Variants in TPD52L1 observed in about 807,000 individuals in gnomAD.
The protein encoded by TPD52L1 is TPD52 like 1, also known as tumor protein D53.
TPD52L1 carries 18 observed loss-of-function variants against 28.7 expected under a neutral mutation model. The observed-to-expected ratio is 0.63, with a 90% CI of 0.43 to 0.93. The LOEUF (loss-of-function observed/expected upper bound fraction) is 0.93. Among genes scored for constraint, TPD52L1 ranks in the 40% least tolerant of loss-of-function variants. The probability of loss-of-function intolerance (pLI) is 0.00; values close to 1 mark genes in which losing one functional copy is unlikely to be tolerated. For missense variants in TPD52L1, 203 were observed against 254.8 expected (o/e 0.80, Z 1.39); for synonymous variants, 75 against 88.8 (o/e 0.84, Z 0.88).
chr6:125,248,733 T>C (rs1334706042), intron 4 of TPD52L1, among the ~76,000 whole-genome samples: 3 of 152,152 alleles, frequency 2.0e-5, no homozygotes, highest in Non-Finnish European at 4.4e-5. Context: ...TTTAGTGGAA[T>C]GCACTCCCAT....
intron 1 of TPD52L1, among the ~76,000 whole-genome samples, chr6:125,163,895 T>A (rs1790696526): frequency 7.1e-6 from 1 of 141,324 alleles, no homozygotes; most frequent in Non-Finnish European, 1.5e-5. Flanking sequence ...CCAGCCTGGG[T>A]GACAGAGTGA....
At chr6:125,207,635 C>T (rs1357752580) in intron 1 of TPD52L1, among the ~76,000 whole-genome samples, 1 of 152,346 alleles carries the variant, frequency 6.6e-6, no homozygotes, top group East Asian at 1.9e-4. Context: ...GATTCAGATT[C>T]CCTGAGCTCA....
intron 1 of TPD52L1, among the ~76,000 whole-genome samples, chr6:125,207,138 C>A (rs1436197918): frequency 6.6e-6 from 1 of 152,034 alleles, no homozygotes; most frequent in Non-Finnish European, 1.5e-5. Context: ...CATAAGCCAC[C>A]CTGGACCTTT....
intron 3 of TPD52L1, among the ~76,000 whole-genome samples, chr6:125,244,936 C>G (rs187360553): frequency 9.3e-4 from 141 of 152,244 alleles, no homozygotes; most frequent in African/African-American, 3.3e-3. Flanking sequence ...AGTGCTCGCC[C>G]CCTTCCCTTA....
chr6:125,195,140 T>C (rs1582903200), intron 1 of TPD52L1, among the ~76,000 whole-genome samples: 1 of 152,304 alleles, frequency 6.6e-6, no homozygotes, highest in South Asian at 2.1e-4. Flanking sequence ...GAGGGTATAG[T>C]GGTTATGGGT....
At chr6:125,179,388 A>G (rs564373) in intron 1 of TPD52L1, among the ~76,000 whole-genome samples, 89,953 of 152,166 alleles carry the variant, frequency 0.59, 29,243 homozygotes, top group African/African-American at 0.88. Context: ...CAGCCTCTTG[A>G]TTGCAGGCAA....
At chr6:125,208,236 C>T (rs1300308179) in intron 1 of TPD52L1, among the ~76,000 whole-genome samples, 2 of 152,156 alleles carry the variant, frequency 1.3e-5, no homozygotes, top group East Asian at 1.9e-4. Flanking sequence ...GCCAAGATAT[C>T]ATTAGAGAGC....
chr6:125,171,896 G>T (rs1162690639), intron 1 of TPD52L1, among the ~76,000 whole-genome samples: 1 of 152,060 alleles, frequency 6.6e-6, no homozygotes, highest in Non-Finnish European at 1.5e-5. Flanking sequence ...CTAACACAGG[G>T]CAGGGCTCCG....
Position 125,262,715 on chromosome 6 carries a change from C to T in TPD52L1, c.487-119C>T, listed in dbSNP as rs567319547. 8.4e-5 allele frequency: 112 copies of T among 1,327,712 alleles called. 2 individuals carry two copies. In the South Asian group the frequency reaches 1.5e-3, roughly 18 times the overall value. The allele number at this position is 1,327,712 out of a possible 1,614,324, so 82.2% of individuals were successfully genotyped here. On this transcript the variant is annotated intron_variant, in intron 6 of 6. Transcript: ENST00000534000. ...AACAAACTTCTGTGCATTCTTTTGT[C>T]TCTAAAGATAGAAAGTATTTCTGAA... is the stretch of plus-strand genomic sequence containing the variant.
chr6:125,240,933 T>C (rs1796577182), intron 3 of TPD52L1, among the ~76,000 whole-genome samples: 2 of 152,052 alleles, frequency 1.3e-5, no homozygotes, highest in African/African-American at 4.8e-5. Context: ...TCAACTTTTC[T>C]CCCATTTAGT....
At chr6:125,177,429 A>G (rs1020619039) in intron 1 of TPD52L1, among the ~76,000 whole-genome samples, 1 of 152,164 alleles carries the variant, frequency 6.6e-6, no homozygotes, top group Non-Finnish European at 1.5e-5. Context: ...AAGCAGCATC[A>G]TAATTTAGAG....
intron 1 of TPD52L1, among the ~76,000 whole-genome samples, chr6:125,202,871 T>C (rs1793883548): frequency 6.7e-6 from 1 of 149,640 alleles, no homozygotes; most frequent in African/African-American, 2.5e-5. Context: ...GTTCAAGCAA[T>C]TCTCCTGCCT....
intron 2 of TPD52L1, 59 bp from the exon 3 acceptor site, chr6:125,229,059 T>G: frequency 1.3e-6 from 2 of 1,571,398 alleles, no homozygotes; most frequent in Non-Finnish European, 1.7e-6. Flanking sequence ...AGAGCTTCTG[T>G]AAGTATCCTT....
At chr6:125,172,528 A>ATATATATATATATATATAT (rs1791505563) in intron 1 of TPD52L1, among the ~76,000 whole-genome samples, 1 of 83,464 alleles carries the variant, frequency 1.2e-5, no homozygotes, top group Non-Finnish European at 2.3e-5. Flanking sequence ...ATATATATAT[A>ATATATATATATATATATAT]TATATATATA....
chr6:125,261,007 AAAGAAAGAAAGAAAAGAAAAG>A (rs1797990342), intron 6 of TPD52L1: 1 of 46,708 alleles, frequency 2.1e-5, no homozygotes, highest in African/African-American at 1.9e-4. Context: ...AGAAAGAAAG[AAAGAAAGAAAGAAAAGAAAAG>A]AAAGAAAGAA....
intron 3 of TPD52L1, among the ~76,000 whole-genome samples, chr6:125,246,224 T>G (rs1346344948): frequency 6.6e-6 from 1 of 152,184 alleles, no homozygotes; most frequent in East Asian, 1.9e-4. Flanking sequence ...ATTTTCAGAT[T>G]CCCTAGTGGA....
chr6:125,260,916 A>AGAG (rs1797888133), intron 6 of TPD52L1: 1 of 77,776 alleles, frequency 1.3e-5, no homozygotes, highest in Non-Finnish European at 2.1e-5. Flanking sequence ...AAGGAAAGAA[A>AGAG]GAAAGAAGAA....
At position 125,261,003 on chromosome 6, in the gene TPD52L1, AAAGAAAGAAAGAAAGAAAAGAAAAG is replaced by A. The variant is rs1562411487; in HGVS notation, c.487-1828_487-1804del. 7 of 46,186 alleles carry A rather than the reference AAAGAAAGAAAGAAAGAAAAGAAAAG, an allele frequency of 1.5e-4. 1 individual carries two copies. The highest frequency in any genetic ancestry group is 1.3e-3 in the African/African-American group (7 of 5,424). The allele number at this position is 46,186 out of a possible 1,614,324, so 2.9% of individuals were successfully genotyped here. The stretch of plus-strand genomic sequence containing the variant: ...AAAGAAAAGAAAGAAAGAAAGAAAG[AAAGAAAGAAAGAAAGAAAAGAAAAG>A]AAAGAAAGAAAGAAAGAAAGAAAAG... On this transcript the variant is annotated intron_variant, in intron 6 of 6. Transcript: ENST00000534000.
At chr6:125,172,151 T>TC (rs1491171224) in intron 1 of TPD52L1, among the ~76,000 whole-genome samples, 19 of 60,576 alleles carry the variant, frequency 3.1e-4, no homozygotes, top group African/African-American at 1.1e-3. Context: ...TTTCTTTCTT[T>TC]CTTTCTTTTC....
Sources: gnomAD v4.1 joint callset for allele counts (sites outside exome capture counted in the v4.1 genomes callset) on GRCh38, gnomAD v4.1.1 for gene constraint, MANE v1.5 for transcripts, NCBI Gene and HGNC (gene_info 2026-07-23, HGNC 2026-07-21) for gene names.